VPS13B: variants seen among roughly 807,000 people sequenced by gnomAD.
VPS13B encodes vacuolar protein sorting 13 homolog B, also known as intermembrane lipid transfer protein VPS13B.
VPS13B carries 285 observed loss-of-function variants against 426.4 expected under a neutral mutation model. That is an observed-to-expected ratio of 0.67 (90% CI 0.61 to 0.74). The LOEUF (loss-of-function observed/expected upper bound fraction) is 0.74. Ranked by LOEUF, VPS13B falls within the 30% of genes least tolerant of loss-of-function variation. The pLI, the probability that VPS13B is intolerant of heterozygous loss-of-function variation, is 0.00. For missense variants in VPS13B, 4,537 were observed against 4,782.6 expected (o/e 0.95, Z 1.51); for synonymous variants, 1,676 against 1,676.4 (o/e 1.00, Z 0.01).
At chr8:99,674,606 G>A (rs1191718739) in intron 35 of VPS13B, among the ~76,000 whole-genome samples, 1 of 151,934 alleles carries the variant, frequency 6.6e-6, no homozygotes, top group Non-Finnish European at 1.5e-5. Flanking sequence ...ACTAAGTACT[G>A]CCATTTTGTC....
Position 99,467,527 on chromosome 8 carries a change from G to C in VPS13B, c.3559G>C (p.Val1187Leu). 6.2e-7 allele frequency: 1 copy of C among 1,613,730 alleles called. No individual in the cohort carries two copies. Among genetic ancestry groups the C allele is most frequent in the Non-Finnish European group, 8.5e-7 (1 of 1,179,810 alleles). ...TATGGGTTGCACCTCCACTCTAGCT[G>C]TCACGTCTCAAAAACTGCTTGCTAC... is the stretch of plus-strand genomic sequence containing the variant. ...EPMGCTSTLA[V>L]TSQKLLATGP... The change falls in exon 24 of 62, where the codon GTC becomes CTC. Residue 1187 changes from valine (V) to leucine (L), a missense_variant. Val to Leu is a conservative substitution (Grantham distance 32). Coordinates refer to ENST00000357162, the MANE Select transcript of VPS13B (RefSeq NM_152564.5).
chr8:99,545,284 A>T (rs971361605), intron 30 of VPS13B, among the ~76,000 whole-genome samples: 1 of 152,102 alleles, frequency 6.6e-6, no homozygotes, highest in African/African-American at 2.4e-5. Flanking sequence ...AATATTCTTC[A>T]ACATTCTCCT....
chr8:99,404,374 A>G (rs1815218550), intron 21 of VPS13B, among the ~76,000 whole-genome samples: 1 of 152,162 alleles, frequency 6.6e-6, no homozygotes, highest in South Asian at 2.1e-4. Flanking sequence ...TTCCAGATGA[A>G]ATTCTGAATG....
intron 17 of VPS13B, among the ~76,000 whole-genome samples, chr8:99,258,991 G>C (rs1817908747): frequency 6.6e-6 from 1 of 151,984 alleles, no homozygotes; most frequent in South Asian, 2.1e-4. Context: ...ATCCCAGCTT[G>C]TATTGTTTAT....
chr8:99,873,609 CTT>C (rs1271791414), intron 61 of VPS13B, among the ~76,000 whole-genome samples: 1 of 152,188 alleles, frequency 6.6e-6, no homozygotes, highest in Non-Finnish European at 1.5e-5. Context: ...CTCTATTCCA[CTT>C]TCTCTCTCCT....
intron 43 of VPS13B, among the ~76,000 whole-genome samples, chr8:99,799,544 G>A (rs1241701998): frequency 2.0e-5 from 3 of 152,134 alleles, no homozygotes; most frequent in Non-Finnish European, 4.4e-5. Context: ...GTACAGCAAG[G>A]CAGTTTAGTT....
rs1041224034 is a variant in VPS13B at position 99,720,327 on chromosome 8, T to G, written c.6658-18T>G. The G allele has an allele frequency of 6.2e-7, 1 of 1,605,868 alleles. No homozygotes were observed. The highest frequency in any genetic ancestry group is 1.3e-5 in the African/African-American group (1 of 74,754). On this transcript the variant is annotated intron_variant, in intron 37 of 61. Coordinates refer to ENST00000357162, the MANE Select transcript of VPS13B (RefSeq NM_152564.5). ...GTTTGTATTTAAAAGCTACTAGAAT[T>G]TTTTTATGATTTTAAAGGTCTTCTG...
chr8:99,176,380 G>T (rs1812633397), intron 16 of VPS13B, among the ~76,000 whole-genome samples: 1 of 151,984 alleles, frequency 6.6e-6, no homozygotes, highest in African/African-American at 2.4e-5. Context: ...CAAGTGATCT[G>T]CCCACCTTGG....
At chr8:99,421,605 G>A (rs745372599) in intron 21 of VPS13B, among the ~76,000 whole-genome samples, 1 of 152,114 alleles carries the variant, frequency 6.6e-6, no homozygotes, top group Non-Finnish European at 1.5e-5. Flanking sequence ...TTTGTCATCA[G>A]TTTCCCTATC....
intron 25 of VPS13B, among the ~76,000 whole-genome samples, chr8:99,487,121 AAAAC>A (rs1820353912): frequency 6.6e-6 from 1 of 152,026 alleles, no homozygotes. Flanking sequence ...AAAAAAAAAA[AAAAC>A]AGAGGACCAG....
chr8:99,663,168 T>C (rs555650622), intron 35 of VPS13B, among the ~76,000 whole-genome samples: 2 of 152,328 alleles, frequency 1.3e-5, no homozygotes, highest in South Asian at 4.1e-4. Flanking sequence ...ATATAGACTT[T>C]GTTGAGTACA....
chr8:99,462,148 C>T (rs1818871136), intron 23 of VPS13B, among the ~76,000 whole-genome samples: 1 of 150,504 alleles, frequency 6.6e-6, no homozygotes, highest in Non-Finnish European at 1.5e-5. Context: ...TCCTAACTCT[C>T]CCTTCCTCCC....
At chr8:99,053,508 C>T (rs1157122949) in intron 3 of VPS13B, among the ~76,000 whole-genome samples, 2 of 151,958 alleles carry the variant, frequency 1.3e-5, no homozygotes, top group Non-Finnish European at 2.9e-5. Flanking sequence ...TACTATGCAG[C>T]CATCATTCTA....
chr8:99,391,020 C>T (rs1022494945), intron 20 of VPS13B, among the ~76,000 whole-genome samples: 13 of 151,928 alleles, frequency 8.6e-5, no homozygotes, highest in African/African-American at 2.7e-4. Context: ...TCAGACAAAA[C>T]GTAGAGATTT....
chr8:99,818,864 T>C lies in VPS13B; in HGVS notation c.8597T>C (p.Val2866Ala). The stretch of plus-strand genomic sequence containing the variant: ...CTGCAAAACATAGAACCTGACCTTG[T>C]ACATCACCTGACATTCCAAGCAAGG... ...KPLQNIEPDL[V>A]HHLTFQAREE... Residue 2866 changes from valine to alanine, a missense_variant, in exon 47 of 62, where the codon GTA (valine) becomes GCA (alanine). This residue lies in a region of VPS13B where 4,311 missense variants were observed against 4,474.3 expected (regional missense o/e 0.96). Coordinates refer to ENST00000357162, the MANE Select transcript of VPS13B (RefSeq NM_152564.5). The C allele has an allele frequency of 6.3e-7, 1 of 1,597,582 alleles. No homozygotes were observed. Among genetic ancestry groups the C allele is most frequent in the Non-Finnish European group, 8.5e-7 (1 of 1,171,282 alleles).
At position 99,129,437 on chromosome 8, in the gene VPS13B, G is replaced by A. The variant is rs919627417; in HGVS notation, c.1207-5195G>A. On this transcript the variant is annotated intron_variant, in intron 8 of 61. Transcript: ENST00000357162. Reference sequence around the variant, plus strand: ...AAATAAATTAGCAGGGCATGGTGGCGCTTGCCTGTAATCCTAGCAATTTAG... The same window carrying A: ...AAATAAATTAGCAGGGCATGGTGGCACTTGCCTGTAATCCTAGCAATTTAG... 1.5e-4 allele frequency among the ~76,000 whole-genome samples: 23 copies of A among 151,530 alleles called. No homozygotes were observed. In the East Asian group the frequency reaches 4.1e-3, roughly 27 times the overall value.
chr8:99,593,820 C>T (rs1310421485), intron 33 of VPS13B, among the ~76,000 whole-genome samples: 1 of 152,064 alleles, frequency 6.6e-6, no homozygotes, highest in Non-Finnish European at 1.5e-5. Context: ...GAAAACCAAA[C>T]ACCACATGTT....
chr8:99,697,462 C>A, intron 35 of VPS13B: 1 of 725,714 alleles, frequency 1.4e-6, no homozygotes, highest in East Asian at 2.5e-5. Flanking sequence ...AAATCGACAT[C>A]CTCAGCGATG....
intron 56 of VPS13B, among the ~76,000 whole-genome samples, chr8:99,856,732 T>C (rs989330300): frequency 1.3e-5 from 2 of 152,028 alleles, no homozygotes; most frequent in African/African-American, 4.8e-5. Flanking sequence ...TCCCAGCTAC[T>C]TGGGAGGCTG....
Sources: gnomAD v4.1 joint callset for allele counts (sites outside exome capture counted in the v4.1 genomes callset) on GRCh38, gnomAD v4.1.1 for gene constraint, gnomAD v4.1.1 regional missense constraint, MANE v1.5 for transcripts, NCBI Gene and HGNC (gene_info 2026-07-23, HGNC 2026-07-21) for gene names.